The following ZNF541 variants were observed in gnomAD, a reference collection of about 807,000 sequenced individuals.
The protein encoded by ZNF541 is zinc finger protein 541.
ZNF541 carries 23 observed loss-of-function variants against 123.5 expected under a neutral mutation model. That is an observed-to-expected ratio of 0.19 (90% CI 0.13 to 0.26). The LOEUF is 0.26. ZNF541 is among the 10% of genes least tolerant of loss of function. ZNF541 has a pLI of 1.00. For synonymous variants in ZNF541, 751 were observed against 754.5 expected (o/e 1.00, Z 0.08); for missense variants, 1,612 against 1,789.9 (o/e 0.90, Z 1.79).
Position 47,532,964 on chromosome 19 carries a change from C to T in ZNF541, c.3103G>A (p.Asp1035Asn), listed in dbSNP as rs1568487945. ...QLISSMLDQV[D>N]GSFGICVVKD... ...ACCACACAGATGCCAAAGGACCCAT[C>T]CACTTGATCTAGAAAGCACAGAGTG... The change falls in exon 10 of 17, where the codon GAT (aspartate) becomes AAT (asparagine). Residue 1035 changes from aspartate to asparagine, a missense_variant. Physicochemically the swap from Asp to Asn is conservative, Grantham distance 23 (BLOSUM62 1). This residue lies in a region of ZNF541 where 285 missense variants were observed against 407.3 expected (regional missense o/e 0.70). Coordinates refer to ENST00000391901, the MANE Select transcript of ZNF541 (RefSeq NM_001277075.3). 4 of 1,549,422 alleles carry T rather than the reference C, an allele frequency of 2.6e-6. No individual in the cohort carries two copies. Among genetic ancestry groups the T allele is most frequent in the Non-Finnish European group, 3.5e-6 (4 of 1,145,786 alleles).
At position 47,564,985 on chromosome 19, in the gene ZNF541, G is replaced by T. The variant is rs191336320; in HGVS notation, c.-99+6911C>A. Among the ~76,000 whole-genome samples the T allele has an allele frequency of 6.8e-4, 104 of 152,210 alleles. 3 individuals carry two copies. In the East Asian group the frequency reaches 0.019, roughly 27 times the overall value. On this transcript the variant is annotated intron_variant, in intron 2 of 16. Transcript: ENST00000391901. ...ATACTACTCAGCCATAAAAAGGAAC[G>T]AAATAATGGCATTCACAGCAACCTG...
rs569360019 is a variant in ZNF541 at position 47,542,911 on chromosome 19, T to C, written c.2403+1215A>G. ...ATGAGCTGAGATAGCACCACTGCAT[T>C]CCAGCCTGGGCGACAGAGTGAGACT... On this transcript the variant is annotated intron_variant, in intron 5 of 16. Coordinates refer to ENST00000391901, the MANE Select transcript of ZNF541 (RefSeq NM_001277075.3). Among the ~76,000 whole-genome samples, 3 of 152,128 alleles carry C rather than the reference T, an allele frequency of 2.0e-5. No individual in the cohort carries two copies. The South Asian group carries it at 6.2e-4, about 32-fold the overall frequency.
chr19:47,522,785 C>T (rs1175117920), intron 14 of ZNF541, among the ~76,000 whole-genome samples: 2 of 145,410 alleles, frequency 1.4e-5, no homozygotes, highest in Non-Finnish European at 3.0e-5. Context: ...CTCGCTCTGT[C>T]GCCCAGGCTG....
At chr19:47,558,879 G>A (rs1970944815) in intron 2 of ZNF541, among the ~76,000 whole-genome samples, 2 of 151,776 alleles carry the variant, frequency 1.3e-5, no homozygotes, top group African/African-American at 4.8e-5. Flanking sequence ...CGAGTAGCTG[G>A]GACTACAGGT....
intron 2 of ZNF541, among the ~76,000 whole-genome samples, chr19:47,569,641 T>C (rs111637756): frequency 1.3e-5 from 2 of 151,902 alleles, no homozygotes; most frequent in Admixed American, 6.6e-5. Flanking sequence ...GGTAGGAAGA[T>C]TGCTTGAGTC....
intron 14 of ZNF541, among the ~76,000 whole-genome samples, chr19:47,524,761 T>G (rs1458183048): frequency 6.6e-6 from 1 of 150,938 alleles, no homozygotes; most frequent in African/African-American, 2.4e-5. Context: ...TGCACACACC[T>G]GTAGTCCCAG....
chr19:47,528,738 G>A (rs191974753), intron 14 of ZNF541, among the ~76,000 whole-genome samples: 11 of 152,262 alleles, frequency 7.2e-5, no homozygotes, highest in African/African-American at 2.6e-4. Context: ...GCGGGGAGGG[G>A]CATGGAAGAC....
chr19:47,557,920 A>G (rs1268925696), intron 2 of ZNF541, among the ~76,000 whole-genome samples: 1 of 152,152 alleles, frequency 6.6e-6, no homozygotes, highest in Non-Finnish European at 1.5e-5. Flanking sequence ...ATCTAAGTAT[A>G]ACCACCAAGA....
intron 9 of ZNF541, among the ~76,000 whole-genome samples, chr19:47,536,745 T>C (rs1969840906): frequency 6.6e-6 from 1 of 151,948 alleles, no homozygotes; most frequent in South Asian, 2.1e-4. Context: ...GTGACAAGAG[T>C]GAGACCTTGT....
At chr19:47,553,591 T>C (rs1174922360) in intron 3 of ZNF541, among the ~76,000 whole-genome samples, 1 of 152,052 alleles carries the variant, frequency 6.6e-6, no homozygotes, top group Non-Finnish European at 1.5e-5. Flanking sequence ...GTATTTTTAG[T>C]AGACAGATTT....
Position 47,549,484 on chromosome 19 carries a change from G to A in ZNF541, c.309C>T (p.Asp103=). Residue 103 remains aspartate (D), a splice_region_variant and synonymous_variant, in exon 4 of 17, where the codon GAC becomes GAT. Coordinates refer to ENST00000391901, the MANE Select transcript of ZNF541 (RefSeq NM_001277075.3). The part of the protein sequence containing the change: ...ADSESQASLQ[D]LGLGVLKAKE... Reference sequence around the variant, plus strand: ...TAGCCTTAAGCACACCTAGCCCCAGGTCTAAACAGAGGGAGAAAGCACAGG... The same window carrying A: ...TAGCCTTAAGCACACCTAGCCCCAGATCTAAACAGAGGGAGAAAGCACAGG... 1 of 1,551,760 alleles carries A rather than the reference G, an allele frequency of 6.4e-7. No homozygotes were observed. Among genetic ancestry groups the A allele is most frequent in the Non-Finnish European group, 8.7e-7 (1 of 1,147,020 alleles).
chr19:47,545,741 C>A lies in ZNF541; in HGVS notation c.788G>T (p.Arg263Met), dbSNP rs1367514545. 6.5e-7 allele frequency: 1 copy of A among 1,544,620 alleles called. No homozygotes were observed. Among genetic ancestry groups the A allele is most frequent in the Admixed American group, 2.0e-5 (1 of 50,938 alleles). ...GTGGGGCAGGAGGGAGCCGGGGGAC[C>A]TGGCCTCTGGGGGCACCAGGGACCG... The part of the protein sequence containing the change: ...SLRSLVPPEA[R>M]SPGSLLPHRD... Residue 263 changes from arginine to methionine, a missense_variant, in exon 5 of 17, where the codon AGG (arginine) becomes ATG (methionine). Around this residue, in one of 5 missense-constraint regions of ZNF541, gnomAD observed 1,080 missense variants for 1,013.8 expected, o/e 1.07. Coordinates refer to ENST00000391901, the MANE Select transcript of ZNF541 (RefSeq NM_001277075.3). The surrounding 1 kb of genome is among the most constrained non-coding windows in gnomAD (Gnocchi z 7.5).
chr19:47,536,327 C>A lies in ZNF541; in HGVS notation c.3094+1815G>T, dbSNP rs112871980. 6.5e-3 allele frequency among the ~76,000 whole-genome samples: 988 copies of A among 152,268 alleles called. 5 individuals carry two copies. Among genetic ancestry groups the A allele is most frequent in the Non-Finnish European group, 9.7e-3 (662 of 68,016 alleles). The stretch of plus-strand genomic sequence containing the variant: ...TGGGGGGCCTGTTCCCAACACTGCA[C>A]CCTCAGTTCAAGCGATTCTCCTGCC... On this transcript the variant is annotated intron_variant, in intron 9 of 16. Transcript: ENST00000391901.
intron 2 of ZNF541, among the ~76,000 whole-genome samples, chr19:47,560,513 T>C (rs921688414): frequency 1.3e-5 from 2 of 149,528 alleles, no homozygotes; most frequent in East Asian, 2.0e-4. Flanking sequence ...GAGGTGGAGG[T>C]TGCAATGAGC....
At chr19:47,550,806 C>T (rs1254350689) in intron 3 of ZNF541, among the ~76,000 whole-genome samples, 2 of 152,120 alleles carry the variant, frequency 1.3e-5, no homozygotes, top group African/African-American at 2.4e-5. Flanking sequence ...CCACCACTCC[C>T]AGCTGATTTT....
intron 2 of ZNF541, among the ~76,000 whole-genome samples, chr19:47,571,206 A>G (rs1475382539): frequency 2.0e-5 from 3 of 151,274 alleles, no homozygotes; most frequent in Non-Finnish European, 1.5e-5. Context: ...TCCGCCTCCC[A>G]GGTTCAAGCG....
intron 9 of ZNF541, among the ~76,000 whole-genome samples, chr19:47,533,617 C>T (rs550816045): frequency 7.3e-5 from 11 of 151,670 alleles, no homozygotes; most frequent in African/African-American, 2.4e-4. Context: ...CTGAGGTGGG[C>T]GGATCACTTG....
intron 2 of ZNF541, among the ~76,000 whole-genome samples, chr19:47,565,299 C>G (rs1009414772): frequency 3.3e-5 from 5 of 151,898 alleles, no homozygotes; most frequent in Non-Finnish European, 7.4e-5. Flanking sequence ...CCCCCAAAAT[C>G]TATGGAAATA....
rs1041546682 is a variant in ZNF541, at chr19:47,555,858, G to C, written c.-2C>G. The C allele has an allele frequency of 6.0e-5, 92 of 1,544,298 alleles. No individual in the cohort carries two copies. Among genetic ancestry groups the C allele is most frequent in the Non-Finnish European group, 7.6e-5 (87 of 1,142,374 alleles). On this transcript the variant is annotated 5_prime_UTR_variant, in exon 3 of 17. Coordinates refer to ENST00000391901, the MANE Select transcript of ZNF541 (RefSeq NM_001277075.3). ...GTCTCCAAGGCTGTACTGGTCCATG[G>C]CTCTCCACTGCCAGGTCTTGGCCAA...
Sources: allele counts gnomAD v4.1 joint callset (sites outside exome capture counted in the v4.1 genomes callset), GRCh38; gene constraint gnomAD v4.1.1; regional missense constraint gnomAD v4.1.1; non-coding constraint Gnocchi (gnomAD v3.1); transcripts MANE v1.5; gene names NCBI Gene and HGNC (gene_info 2026-07-23, HGNC 2026-07-21).